SAMD4A: variants seen among roughly 807,000 people sequenced by gnomAD.
SAMD4A encodes sterile alpha motif domain containing 4A, also known as protein Smaug homolog 1.
A neutral mutation model predicts 81.3 loss-of-function variants in SAMD4A; 33 were observed. The ratio of observed to expected loss-of-function variants is 0.41; its 90% CI spans 0.31 to 0.54. The LOEUF is 0.54. Ranked by LOEUF, SAMD4A falls within the 20% of genes least tolerant of loss-of-function variation. SAMD4A has a pLI of 0.37. For missense variants in SAMD4A, 854 were observed against 951.1 expected (o/e 0.90, Z 1.34); for synonymous variants, 389 against 382.1 (o/e 1.02, Z -0.21).
chr14:54,738,218 G>A (rs979722942), intron 4 of SAMD4A, among the ~76,000 whole-genome samples: 4 of 152,184 alleles, frequency 2.6e-5, no homozygotes, highest in South Asian at 2.1e-4. Context: ...TGCTGTTTCC[G>A]ATCTTCCCCT....
At chr14:54,630,160 A>G (rs1443153791) in intron 2 of SAMD4A, among the ~76,000 whole-genome samples, 1 of 152,242 alleles carries the variant, frequency 6.6e-6, no homozygotes, top group Non-Finnish European at 1.5e-5. Flanking sequence ...GATCTCTTTG[A>G]AATCCTACTT....
chr14:54,675,730 A>G (rs1284042002), intron 2 of SAMD4A, among the ~76,000 whole-genome samples: 1 of 152,190 alleles, frequency 6.6e-6, no homozygotes, highest in Non-Finnish European at 1.5e-5. Context: ...TGTGCTCACC[A>G]CATTTTTGAA....
intron 2 of SAMD4A, among the ~76,000 whole-genome samples, chr14:54,618,406 A>G (rs990182537): frequency 1.3e-5 from 2 of 152,218 alleles, no homozygotes; most frequent in African/African-American, 4.8e-5. Context: ...AAGAGATAAT[A>G]AATTTACAGT....
At chr14:54,578,720 AAAAAAT>A (rs764024154) in intron 2 of SAMD4A, among the ~76,000 whole-genome samples, 8 of 152,164 alleles carry the variant, frequency 5.3e-5, no homozygotes, top group Non-Finnish European at 8.8e-5. Flanking sequence ...TTAAAAAAAT[AAAAAAT>A]AAAAATAAAA....
At chr14:54,619,198 G>T (rs975016340) in intron 2 of SAMD4A, among the ~76,000 whole-genome samples, 6 of 152,174 alleles carry the variant, frequency 3.9e-5, no homozygotes, top group African/African-American at 1.2e-4. Flanking sequence ...AAGTCAAAAT[G>T]TTAATTCATC....
chr14:54,780,330 T>TAC (rs1388030366), intron 11 of SAMD4A, among the ~76,000 whole-genome samples: 1 of 152,136 alleles, frequency 6.6e-6, no homozygotes, highest in Non-Finnish European at 1.5e-5. Context: ...CTCCTCTAAG[T>TAC]ACCAGCTCAC....
At chr14:54,601,613 C>G (rs1443070114) in intron 2 of SAMD4A, among the ~76,000 whole-genome samples, 1 of 152,176 alleles carries the variant, frequency 6.6e-6, no homozygotes, top group Non-Finnish European at 1.5e-5. Flanking sequence ...AATCAAAGGG[C>G]CATCACCTGG....
chr14:54,739,054 T>C (rs2037775704), intron 4 of SAMD4A, among the ~76,000 whole-genome samples: 1 of 109,002 alleles, frequency 9.2e-6, no homozygotes, highest in Non-Finnish European at 1.9e-5. Context: ...TCTTTCCTTT[T>C]CTTTTTTTTT....
At position 54,586,219 on chromosome 14, in the gene SAMD4A, A is replaced by G. The variant is rs545797155; in HGVS notation, c.196+18107A>G. Among the ~76,000 whole-genome samples, 243 of 152,164 alleles carry G rather than the reference A, an allele frequency of 1.6e-3. 1 individual carries two copies. The highest frequency in any genetic ancestry group is 5.5e-3 in the African/African-American group (229 of 41,542). On this transcript the variant is annotated intron_variant, in intron 2 of 12. Coordinates refer to ENST00000554335, the MANE Select transcript of SAMD4A (RefSeq NM_015589.6). ...GCATTTTTCCATATGCTTGTTGGCCATTTGTATATCTTCTTTTGAGAATTC... is the reference window on the plus strand; with the variant it reads ...GCATTTTTCCATATGCTTGTTGGCCGTTTGTATATCTTCTTTTGAGAATTC...
chr14:54,669,830 G>A (rs1055110084), intron 2 of SAMD4A, among the ~76,000 whole-genome samples: 17 of 152,264 alleles, frequency 1.1e-4, no homozygotes, highest in Admixed American at 4.6e-4. Context: ...TGCAGGGAAC[G>A]CTTTGCACCA....
chr14:54,629,910 T>C (rs901508730), intron 2 of SAMD4A, among the ~76,000 whole-genome samples: 7 of 152,222 alleles, frequency 4.6e-5, no homozygotes, highest in Admixed American at 4.6e-4. Context: ...AGATACCTCA[T>C]ATAAGTGGAA....
chr14:54,682,795 G>A (rs1298296202), intron 2 of SAMD4A, among the ~76,000 whole-genome samples: 1 of 152,184 alleles, frequency 6.6e-6, no homozygotes, highest in African/African-American at 2.4e-5. Flanking sequence ...TATCAACATA[G>A]GCCAGCCCTG....
intron 2 of SAMD4A, among the ~76,000 whole-genome samples, chr14:54,583,976 A>G (rs983689091): frequency 1.3e-5 from 2 of 152,254 alleles, no homozygotes; most frequent in East Asian, 3.8e-4. Context: ...GTACATTACA[A>G]TGTTCTCAAT....
At chr14:54,748,014 A>G (rs77394588) in intron 4 of SAMD4A, among the ~76,000 whole-genome samples, 2,563 of 152,330 alleles carry the variant, frequency 0.017, 68 homozygotes, top group African/African-American at 0.058. Context: ...CTTGGGGGTT[A>G]TTTCAGATGC....
intron 4 of SAMD4A, 46 bp from the exon 5 acceptor site, chr14:54,748,769 T>C: frequency 1.5e-6 from 2 of 1,291,270 alleles, no homozygotes; most frequent in South Asian, 1.3e-5. Flanking sequence ...TCTCTTCTCA[T>C]TCCCTCTCAT....
At chr14:54,736,490 C>A (rs2037695501) in intron 3 of SAMD4A, among the ~76,000 whole-genome samples, 1 of 152,192 alleles carries the variant, frequency 6.6e-6, no homozygotes, top group South Asian at 2.1e-4. Flanking sequence ...GGCCATAGTT[C>A]CCTGAATCCT....
At chr14:54,619,350 C>T (rs995440636) in intron 2 of SAMD4A, among the ~76,000 whole-genome samples, 1 of 152,144 alleles carries the variant, frequency 6.6e-6, no homozygotes, top group African/African-American at 2.4e-5. Context: ...GCCTTCTCAT[C>T]TACATTTTTC....
intron 7 of SAMD4A, among the ~76,000 whole-genome samples, chr14:54,761,433 G>A (rs1217038898): frequency 6.6e-6 from 1 of 152,132 alleles, no homozygotes; most frequent in Admixed American, 6.5e-5. Context: ...GTGTCATCTG[G>A]CGCCTCCTTG....
chr14:54,758,064 C>T (rs1023905617), intron 6 of SAMD4A, among the ~76,000 whole-genome samples: 2 of 152,212 alleles, frequency 1.3e-5, no homozygotes, highest in African/African-American at 4.8e-5. Context: ...AGACATCTGT[C>T]ATGTGTAGAA....
Sources: allele counts gnomAD v4.1 joint callset (sites outside exome capture counted in the v4.1 genomes callset), GRCh38; gene constraint gnomAD v4.1.1; transcripts MANE v1.5; gene names NCBI Gene and HGNC (gene_info 2026-07-23, HGNC 2026-07-21).